The following EPHA6 variants were observed in gnomAD, a reference collection of about 807,000 sequenced individuals.
EPHA6 encodes EPH receptor A6, also known as ephrin type-A receptor 6.
A neutral mutation model predicts 112.0 loss-of-function variants in EPHA6; 50 were observed. The ratio of observed to expected loss-of-function variants is 0.45; its 90% CI spans 0.36 to 0.56. EPHA6 has a LOEUF of 0.56. Among genes scored for constraint, EPHA6 ranks in the 20% least tolerant of loss-of-function variants. The pLI, the probability that EPHA6 is intolerant of heterozygous loss-of-function variation, is 0.00. For missense variants in EPHA6, 1,280 were observed against 1,417.4 expected (o/e 0.90, Z 1.56); for synonymous variants, 529 against 490.7 (o/e 1.08, Z -1.03).
intron 3 of EPHA6, among the ~76,000 whole-genome samples, chr3:97,128,835 T>A (rs2048254406): frequency 6.7e-6 from 1 of 150,372 alleles, no homozygotes; most frequent in African/African-American, 2.5e-5. Context: ...TAGGTATTTT[T>A]ACACTTTTCT....
chr3:97,635,277 C>T (rs1196978568), intron 13 of EPHA6, among the ~76,000 whole-genome samples: 1 of 151,848 alleles, frequency 6.6e-6, no homozygotes, highest in African/African-American at 2.4e-5. Flanking sequence ...AAAATGATAC[C>T]ACTTACCATT....
At position 97,580,788 on chromosome 3, in the gene EPHA6, C is replaced by T. The variant is rs190336502; in HGVS notation, c.2387-11824C>T. On this transcript the variant is annotated intron_variant, in intron 11 of 17. Transcript: ENST00000389672. ...TTGAGAATTAGGTGAATATACGCCT[C>T]AGTGGCATCCAGCTTACAAAAAGGA... Among the ~76,000 whole-genome samples, 393 of 152,320 alleles carry T rather than the reference C, an allele frequency of 2.6e-3. 1 individual carries two copies. The highest frequency in any genetic ancestry group is 8.8e-3 in the African/African-American group (367 of 41,558).
intron 3 of EPHA6, among the ~76,000 whole-genome samples, chr3:97,008,084 G>A (rs1002276723): frequency 1.3e-5 from 2 of 152,088 alleles, no homozygotes; most frequent in Non-Finnish European, 2.9e-5. Flanking sequence ...TATGTGTCTT[G>A]CAGATTATGT....
intron 1 of EPHA6, among the ~76,000 whole-genome samples, chr3:96,828,374 G>A (rs62262931): frequency 0.045 from 6,772 of 152,162 alleles, 199 homozygotes; most frequent in Middle Eastern, 0.075. Flanking sequence ...AGGAATGAAA[G>A]AAAATTTAAA....
At chr3:96,977,436 T>C (rs971257878) in intron 2 of EPHA6, among the ~76,000 whole-genome samples, 12 of 152,116 alleles carry the variant, frequency 7.9e-5, no homozygotes, top group Non-Finnish European at 1.5e-4. Flanking sequence ...ATTCCGGTGA[T>C]GAGTACACTA....
At chr3:97,522,476 C>G (rs1227211611) in intron 10 of EPHA6, among the ~76,000 whole-genome samples, 1 of 152,108 alleles carries the variant, frequency 6.6e-6, no homozygotes, top group East Asian at 1.9e-4. Flanking sequence ...ATTTTTTCAT[C>G]TACCTTCATC....
chr3:96,994,221 G>T, intron 3 of EPHA6: 1 of 406,904 alleles, frequency 2.5e-6, no homozygotes, highest in Admixed American at 2.4e-5. Flanking sequence ...GAATAATTTG[G>T]GTTGCTTTAT....
intron 5 of EPHA6, among the ~76,000 whole-genome samples, chr3:97,336,250 T>C (rs888755195): frequency 6.6e-6 from 1 of 152,136 alleles, no homozygotes; most frequent in Non-Finnish European, 1.5e-5. Flanking sequence ...GTAAGCTAAG[T>C]TCCTCCCAAA....
chr3:97,724,444 G>A (rs928107883), intron 15 of EPHA6, among the ~76,000 whole-genome samples: 2 of 152,130 alleles, frequency 1.3e-5, no homozygotes, highest in Non-Finnish European at 2.9e-5. Flanking sequence ...GACCAAATGT[G>A]TATGTGGGGT....
At chr3:96,981,948 CTTCT>C (rs1486603215) in intron 2 of EPHA6, among the ~76,000 whole-genome samples, 1 of 151,894 alleles carries the variant, frequency 6.6e-6, no homozygotes, top group Admixed American at 6.6e-5. Context: ...TCTCTCTTTT[CTTCT>C]TTATTAGTCC....
rs145044567 is a variant in EPHA6, at chr3:96,903,629, T to A, written c.450+36740T>A. Among the ~76,000 whole-genome samples the A allele has an allele frequency of 6.1e-3, 927 of 152,256 alleles. 15 individuals carry two copies. The highest frequency in any genetic ancestry group is 0.02 in the African/African-American group (848 of 41,552). On this transcript the variant is annotated intron_variant, in intron 2 of 17. Coordinates refer to ENST00000389672, the MANE Select transcript of EPHA6 (RefSeq NM_001080448.3). ...TCATAACTTCATAATATTTTAATAA[T>A]TTTTTAAACAATTTTAGAGAAATAG...
chr3:97,640,744 A>G (rs1371086746), intron 14 of EPHA6, among the ~76,000 whole-genome samples: 1 of 152,104 alleles, frequency 6.6e-6, no homozygotes, highest in Non-Finnish European at 1.5e-5. Flanking sequence ...CATGCCATTG[A>G]ACTCCAGCCT....
intron 5 of EPHA6, among the ~76,000 whole-genome samples, chr3:97,324,407 TTCTTTCTTTCTTTC>T (rs2082273400): frequency 3.1e-5 from 3 of 95,956 alleles, no homozygotes; most frequent in African/African-American, 1.3e-4. Context: ...TTTCCTTCTT[TTCTTTCTTTCTTTC>T]TTTCTTTCTT....
intron 14 of EPHA6, 53 bp from the exon 15 acceptor site, chr3:97,720,208 T>A (rs950171957): frequency 7.0e-7 from 1 of 1,423,432 alleles, no homozygotes; most frequent in Non-Finnish European, 9.3e-7. Context: ...GAATACCATT[T>A]TGTTTTTAAT....
intron 3 of EPHA6, among the ~76,000 whole-genome samples, chr3:97,035,802 T>C (rs2045070069): frequency 6.6e-6 from 1 of 152,016 alleles, no homozygotes; most frequent in Non-Finnish European, 1.5e-5. Context: ...AAATATATGA[T>C]AGTGCTTTCA....
intron 11 of EPHA6, among the ~76,000 whole-genome samples, chr3:97,556,906 T>TA (rs2093118914): frequency 6.6e-6 from 1 of 152,050 alleles, no homozygotes; most frequent in Non-Finnish European, 1.5e-5. Flanking sequence ...TAATGGATAT[T>TA]ATGGGGTGAT....
chr3:97,445,394 A>C (rs1297396598), intron 6 of EPHA6, among the ~76,000 whole-genome samples: 2 of 152,174 alleles, frequency 1.3e-5, no homozygotes, highest in African/African-American at 4.8e-5. Flanking sequence ...TTACTCCCTG[A>C]TACCATGTCT....
chr3:97,283,506 T>C (rs1341041317), intron 5 of EPHA6, among the ~76,000 whole-genome samples: 94 of 152,088 alleles, frequency 6.2e-4, no homozygotes, highest in Non-Finnish European at 1.6e-4. Context: ...TAATATTAAA[T>C]GTTGATTATA....
chr3:97,281,228 T>C (rs75523828), intron 5 of EPHA6, among the ~76,000 whole-genome samples: 1,337 of 93,396 alleles, frequency 0.014, 16 homozygotes, highest in African/African-American at 0.055. Flanking sequence ...TGTGTGTGTG[T>C]GCGCGCGTGT....
Sources: gnomAD v4.1 joint callset for allele counts (sites outside exome capture counted in the v4.1 genomes callset) on GRCh38, gnomAD v4.1.1 for gene constraint, MANE v1.5 for transcripts, NCBI Gene and HGNC (gene_info 2026-07-23, HGNC 2026-07-21) for gene names.